Variants in LIFR observed in about 807,000 individuals in gnomAD.
LIFR encodes the protein LIF receptor subunit alpha, also known as leukemia inhibitory factor receptor.
A neutral mutation model predicts 122.2 loss-of-function variants in LIFR; 84 were observed. The observed-to-expected ratio is 0.69, with a 90% confidence interval of 0.58 to 0.82. The LOEUF (loss-of-function observed/expected upper bound fraction) is 0.82, where lower values mean the gene tolerates loss of function less well. LIFR is among the 40% of genes least tolerant of loss of function. The pLI is 0.00. For synonymous variants in LIFR, 422 were observed against 434.7 expected (o/e 0.97, Z 0.36); for missense variants, 1,294 against 1,311.6 (o/e 0.99, Z 0.21).
chr5:38,522,270 A>T (rs914402225), intron 5 of LIFR, among the ~76,000 whole-genome samples: 1 of 152,172 alleles, frequency 6.6e-6, no homozygotes, highest in Non-Finnish European at 1.5e-5. Context: ...CATGGAATGC[A>T]CTTTAGCAGT....
At chr5:38,571,593 TGAGCTGTACAAAAGCCAGAA>T (rs1184347670) in intron 1 of LIFR, among the ~76,000 whole-genome samples, 2 of 151,226 alleles carry the variant, frequency 1.3e-5, no homozygotes, top group African/African-American at 2.4e-5. Context: ...TCCTACTGAT[TGAGCTGTACAAAAGCCAGAA>T]GAAAAAAGAT....
At chr5:38,529,158 A>C (rs999612275) in intron 2 of LIFR, among the ~76,000 whole-genome samples, 1 of 152,106 alleles carries the variant, frequency 6.6e-6, no homozygotes, top group Non-Finnish European at 1.5e-5. Context: ...CAAGCAACTA[A>C]GACAAATTAA....
chr5:38,505,789 A>G, intron 9 of LIFR, 116 bp downstream of exon 9: 1 of 436,164 alleles, frequency 2.3e-6, no homozygotes, highest in Non-Finnish European at 4.0e-6. Flanking sequence ...TGAAATTAAT[A>G]TTAAGTAACT....
intron 1 of LIFR, among the ~76,000 whole-genome samples, chr5:38,568,049 T>C (rs1294233412): frequency 1.3e-5 from 2 of 152,212 alleles, no homozygotes; most frequent in African/African-American, 4.8e-5. Flanking sequence ...ACACTTCTCC[T>C]ATGACTCTCA....
intron 1 of LIFR, among the ~76,000 whole-genome samples, chr5:38,574,225 G>C (rs1749310424): frequency 6.6e-6 from 1 of 152,058 alleles, no homozygotes; most frequent in African/African-American, 2.4e-5. Context: ...ACTCCTGTCA[G>C]CCACACTCAC....
chr5:38,549,677 G>C (rs1748094480), intron 1 of LIFR, among the ~76,000 whole-genome samples: 1 of 152,186 alleles, frequency 6.6e-6, no homozygotes, highest in Non-Finnish European at 1.5e-5. Flanking sequence ...CATAATCCCA[G>C]CTACTTGGGA....
intron 1 of LIFR, among the ~76,000 whole-genome samples, chr5:38,554,521 G>A (rs1447084234): frequency 1.3e-5 from 2 of 152,140 alleles, no homozygotes; most frequent in African/African-American, 2.4e-5. Flanking sequence ...ATCCCTAATG[G>A]AGTACTCAGC....
upstream of LIFR, among the ~76,000 whole-genome samples, chr5:38,561,200 C>A (rs1748825807): frequency 6.6e-6 from 1 of 152,154 alleles, no homozygotes; most frequent in South Asian, 2.1e-4. Context: ...ACTCACATAT[C>A]CAAGTTAAGA....
At chr5:38,492,385 A>G (rs1270731392) in intron 14 of LIFR, among the ~76,000 whole-genome samples, 1 of 152,124 alleles carries the variant, frequency 6.6e-6, no homozygotes, top group Non-Finnish European at 1.5e-5. Context: ...ATCCCAGTCC[A>G]TCCTGATTAT....
At chr5:38,489,994 C>CAAAA (rs58235156) in intron 15 of LIFR, among the ~76,000 whole-genome samples, 196 bp downstream of exon 15, 26 of 49,660 alleles carry the variant, frequency 5.2e-4, no homozygotes, top group East Asian at 1.8e-3. Context: ...GACCCTCTCT[C>CAAAA]AAAAAAAAAA....
In LIFR at chr5:38,526,253, C is replaced by T. The variant is rs568384599; in HGVS notation, c.397+902G>A. Among the ~76,000 whole-genome samples the T allele has an allele frequency of 1.2e-4, 19 of 152,242 alleles. No individual in the cohort carries two copies. In the South Asian group the frequency reaches 3.3e-3, roughly 27 times the overall value. ...TTTACCCATAATCTACGTGCTCCTG[C>T]TTCCTTAGGACATAAGAAGATAAGA... is the stretch of plus-strand genomic sequence containing the variant. On this transcript the variant is annotated intron_variant, in intron 4 of 19. Transcript: ENST00000453190.
intron 18 of LIFR, among the ~76,000 whole-genome samples, chr5:38,483,751 A>T (rs181666644): frequency 2.0e-5 from 3 of 152,306 alleles, no homozygotes. Context: ...TAAAAATGTG[A>T]ATTTTGGTAA....
In LIFR at chr5:38,478,745, A is replaced by C. The variant is rs1743838469; in HGVS notation, c.*2850T>G. ...TGAATTGACTTGTAAGAGAGGTAAA[A>C]ATGTGTCTTACATGAATTACTATCC... On this transcript the variant is annotated 3_prime_UTR_variant, in exon 20 of 20. Coordinates refer to ENST00000453190, the MANE Select transcript of LIFR (RefSeq NM_001127671.2). 2 of 216,210 alleles carry C rather than the reference A, an allele frequency of 9.3e-6. No homozygotes were observed. Among genetic ancestry groups the C allele is most frequent in the Non-Finnish European group, 1.9e-5 (2 of 107,096 alleles). 13.4% of individuals were successfully genotyped at this position (216,210 alleles called of 1,614,324 possible).
intron 1 of LIFR, among the ~76,000 whole-genome samples, chr5:38,573,279 C>G (rs958829051): frequency 1.3e-5 from 2 of 152,212 alleles, no homozygotes; most frequent in African/African-American, 4.8e-5. Flanking sequence ...CAAATCTTGA[C>G]TCTCTGCTTA....
chr5:38,563,614 A>G (rs1483633230), intron 1 of LIFR, among the ~76,000 whole-genome samples: 1 of 152,234 alleles, frequency 6.6e-6, no homozygotes, highest in Non-Finnish European at 1.5e-5. Flanking sequence ...CTCAGAATTC[A>G]TAATCACTAG....
intron 1 of LIFR, among the ~76,000 whole-genome samples, chr5:38,569,514 G>C (rs1201603931): frequency 6.6e-6 from 1 of 152,192 alleles, no homozygotes; most frequent in African/African-American, 2.4e-5. Context: ...AACTGCACAT[G>C]TAAGGGATCT....
intron 18 of LIFR, among the ~76,000 whole-genome samples, chr5:38,483,645 G>A (rs2731980): frequency 0.039 from 5,903 of 152,174 alleles, 386 homozygotes; most frequent in African/African-American, 0.13. Flanking sequence ...TGGCCAGGAT[G>A]GTCTCGATCT....
intron 10 of LIFR, 34 bp from the exon 11 acceptor site, chr5:38,502,833 T>C: frequency 8.1e-7 from 1 of 1,230,150 alleles, no homozygotes; most frequent in South Asian, 1.5e-5. Context: ...TATATATGTA[T>C]ATATTATGTG....
intron 1 of LIFR, among the ~76,000 whole-genome samples, chr5:38,571,027 A>G (rs1749191636): frequency 6.6e-6 from 1 of 152,218 alleles, no homozygotes; most frequent in African/African-American, 2.4e-5. Flanking sequence ...TTGAAAATGA[A>G]TAAGCCCTAG....
Sources: gnomAD v4.1 joint callset for allele counts (sites outside exome capture counted in the v4.1 genomes callset) on GRCh38, gnomAD v4.1.1 for gene constraint, MANE v1.5 for transcripts, NCBI Gene and HGNC (gene_info 2026-07-23, HGNC 2026-07-21) for gene names.